TMC6: variants seen among roughly 807,000 people sequenced by gnomAD.
The protein encoded by TMC6 is transmembrane channel like 6.
TMC6 carries 71 observed loss-of-function variants against 95.4 expected under a neutral mutation model. That is an observed-to-expected ratio of 0.74 (90% confidence interval 0.61 to 0.91). The LOEUF is 0.91. Ranked by LOEUF, TMC6 falls within the 40% of genes least tolerant of loss-of-function variation. The pLI, the probability that TMC6 is intolerant of heterozygous loss-of-function variation, is 0.00. For synonymous variants in TMC6, 514 were observed against 483.1 expected (o/e 1.06, Z -0.84); for missense variants, 1,074 against 1,079.1 (o/e 1.00, Z 0.07).
chr17:78,117,786 C>T lies in TMC6; in HGVS notation c.2021+16G>A. 6.2e-7 allele frequency: 1 copy of T among 1,601,304 alleles called. No homozygotes were observed. Among genetic ancestry groups the T allele is most frequent in the East Asian group, 2.3e-5 (1 of 44,204 alleles). ...CAGATGACACAGAAGGGTCTCCCTC[C>T]ACCCGCCCCACTCACTGCCAGACGG... On this transcript the variant is annotated intron_variant, in intron 16 of 19. Coordinates refer to ENST00000590602, the MANE Select transcript of TMC6 (RefSeq NM_001127198.5).
In TMC6 at chr17:78,121,414, C is replaced by A. The variant is rs1277068210; in HGVS notation, c.1383+142G>T. The A allele has an allele frequency of 1.4e-6, 2 of 1,467,818 alleles. No homozygotes were observed. The highest frequency in any genetic ancestry group is 1.4e-5 in the African/African-American group (1 of 71,386). The allele number at this position is 1,467,818 out of a possible 1,614,324, so 90.9% of individuals were successfully genotyped here. On this transcript the variant is annotated intron_variant, in intron 11 of 19. Coordinates refer to ENST00000590602, the MANE Select transcript of TMC6 (RefSeq NM_001127198.5). The surrounding 1 kb of genome is among the most constrained non-coding windows in gnomAD (Gnocchi z 5.6). Reference sequence around the variant, plus strand: ...CTGAGAAGTGGGGCTCGGAGGGGGCCCCAGCACGGGGCACAGCGTACGTGG... The same window carrying A: ...CTGAGAAGTGGGGCTCGGAGGGGGCACCAGCACGGGGCACAGCGTACGTGG...
chr17:78,125,147 G>C lies in TMC6; in HGVS notation c.536+11C>G, dbSNP rs777835418. On this transcript the variant is annotated intron_variant, in intron 6 of 19. Coordinates refer to ENST00000590602, the MANE Select transcript of TMC6 (RefSeq NM_001127198.5). ...AGCAGCGGCGGCATGGTCAGGGTCG[G>C]GGCTGCTCACCGCAGGCTGCGTTTC... The C allele has an allele frequency of 5.8e-6, 9 of 1,556,016 alleles. No homozygotes were observed. The South Asian group carries it at 7.1e-5, about 12-fold the overall frequency.
chr17:78,118,251 G>C (rs900893646), intron 15 of TMC6: 3 of 460,156 alleles, frequency 6.5e-6, no homozygotes, highest in African/African-American at 5.9e-5. Context: ...GAAACAAAAG[G>C]CCAGACGAGA....
Position 78,117,306 on chromosome 17 carries a change from C to G in TMC6, c.2240G>C (p.Arg747Pro). The change falls in exon 18 of 20, where the codon CGC becomes CCC. Residue 747 changes from arginine (R) to proline (P), a missense_variant. Transcript: ENST00000590602. The part of the protein sequence containing the change: ...YLNIQVVRGQ[R>P]KVICLLKEQI... ...CTCCTTGAGCAGGCAGATGACCTTG[C>G]GCTGGCCCCGCACCACCTGGATGTT... 1 of 1,613,436 alleles carries G rather than the reference C, an allele frequency of 6.2e-7. No homozygotes were observed. Among genetic ancestry groups the G allele is most frequent in the Non-Finnish European group, 8.5e-7 (1 of 1,179,972 alleles).
Position 78,113,559 on chromosome 17 carries a change from C to A in TMC6, c.2343G>T (p.Glu781Asp). ...LHSIYERKER[E>D]ERSRVGTTEE... ...CCACGGACCCTCACCTGCTCCTCTCCTCCCTCTCCTTCCTCTCGTAGATGG... is the reference window on the plus strand; with the variant it reads ...CCACGGACCCTCACCTGCTCCTCTCATCCCTCTCCTTCCTCTCGTAGATGG... Residue 781 changes from glutamate to aspartate, a missense_variant, in exon 19 of 20, where the codon GAG (glutamate) becomes GAT (aspartate). Physicochemically the swap from Glu to Asp is conservative, Grantham distance 45. Transcript: ENST00000590602. 3 of 1,614,052 alleles carry A rather than the reference C, an allele frequency of 1.9e-6. No individual in the cohort carries two copies. The highest frequency in any genetic ancestry group is 2.5e-6 in the Non-Finnish European group (3 of 1,180,020).
chr17:78,120,544 A>G lies in TMC6; in HGVS notation c.1715+109T>C, dbSNP rs2074360721. 4 of 1,489,774 alleles carry G rather than the reference A, an allele frequency of 2.7e-6. No homozygotes were observed. In the Middle Eastern group the frequency reaches 5.1e-4, roughly 192 times the overall value. The allele number at this position is 1,489,774 out of a possible 1,614,324, so 92.3% of individuals were successfully genotyped here. A position where few individuals can be genotyped will look rare whatever the true frequency, so the allele number is the denominator to read the frequency against. ...TCCTGAGTCTTCCTCTGAAGGGTGG[A>G]GACACAGGGCCCTGATGGGAAAGGT... On this transcript the variant is annotated intron_variant, in intron 13 of 19. Transcript: ENST00000590602.
Position 78,121,043 on chromosome 17 carries a change from G to C in TMC6, c.1505C>G (p.Pro502Arg), listed in dbSNP as rs75400929. 1 of 1,613,346 alleles carries C rather than the reference G, an allele frequency of 6.2e-7. No homozygotes were observed. Among genetic ancestry groups the C allele is most frequent in the South Asian group, 1.1e-5 (1 of 91,082 alleles). Residue 502 changes from proline (P) to arginine (R), a missense_variant, in exon 12 of 20, where the codon CCG becomes CGG. By Grantham distance (103) the Pro-to-Arg change is moderately radical. Transcript: ENST00000590602. The surrounding 1 kb of genome is among the most constrained non-coding windows in gnomAD (Gnocchi z 5.6). ...GATGGCCACGTACACCTCCAGTACC[G>C]GGGAGTCATGCGGCTCCAGGGCGGC... ...VLAALEPHDS[P>R]VLEVYVAICR... is the part of the protein sequence containing the mutation.
chr17:78,120,583 C>T (rs1313297488), intron 13 of TMC6, 70 bp downstream of exon 13: 2 of 1,608,560 alleles, frequency 1.2e-6, no homozygotes, highest in East Asian at 4.5e-5. Context: ...GGCCTGAGAA[C>T]CTCCCGGCCA....
upstream of TMC6, chr17:78,132,125 A>G: frequency 6.6e-7 from 1 of 1,519,100 alleles, no homozygotes; most frequent in Middle Eastern, 1.7e-4. Context: ...ACCTGCCTTC[A>G]CCCGGGTCCC....
chr17:78,132,345 C>T (rs200278176), upstream of TMC6: 139 of 1,612,540 alleles, frequency 8.6e-5, no homozygotes, highest in Admixed American at 4.7e-4. Flanking sequence ...ACCCACCCTG[C>T]TCTCCCACTG....
At chr17:78,125,703 G>A in intron 5 of TMC6, 23 bp downstream of exon 5, 1 of 1,556,950 alleles carries the variant, frequency 6.4e-7, no homozygotes, top group Non-Finnish European at 8.7e-7. Flanking sequence ...CCGCCACTGG[G>A]GCTCCAGTGC....
chr17:78,126,981 G>C (rs2074751760), intron 1 of TMC6, 75 bp from the exon 2 acceptor site: 2 of 907,502 alleles, frequency 2.2e-6, no homozygotes. Flanking sequence ...ATTCCTGGGG[G>C]AACCACAGGA....
chr17:78,125,615 G>A (rs2074669519), intron 5 of TMC6, 111 bp downstream of exon 5: 1 of 1,473,750 alleles, frequency 6.8e-7, no homozygotes, highest in Non-Finnish European at 9.1e-7. Flanking sequence ...AGGGATAGGA[G>A]AGGGGCCTCT....
chr17:78,122,722 G>C lies in TMC6; in HGVS notation c.1110C>G (p.Tyr370Ter), dbSNP rs1343225267. 5.6e-6 allele frequency: 9 copies of C among 1,611,174 alleles called. No individual in the cohort carries two copies. The highest frequency in any genetic ancestry group is 1.7e-5 in the Admixed American group (1 of 59,890). Residue 370 changes from tyrosine to a stop codon, truncating the protein, a stop_gained, in exon 10 of 20, where the codon TAC becomes TAG. Coordinates refer to ENST00000590602, the MANE Select transcript of TMC6 (RefSeq NM_001127198.5). LOFTEE classifies it high-confidence loss of function. The surrounding 1 kb of genome is among the most constrained non-coding windows in gnomAD (Gnocchi z 4.9). ...GGATGCCAGAGGTGCTGCCCACCCG[G>C]TAGCTCTCCCCGAAAGAGTGAGCCA... ...YSMAHSFGES[Y>*]RVGSTSGIHA...
Position 78,117,659 on chromosome 17 carries a change from G to C in TMC6, c.2022-15C>G. Reference sequence around the variant, plus strand: ...AGGGCTTCACCCTGGGGAAGATGCCGACCAGGAACCCTCACCCCGAGCAAC... The same window carrying C: ...AGGGCTTCACCCTGGGGAAGATGCCCACCAGGAACCCTCACCCCGAGCAAC... On this transcript the variant is annotated splice_polypyrimidine_tract_variant and intron_variant, in intron 16 of 19. Transcript: ENST00000590602. 1 of 1,560,886 alleles carries C rather than the reference G, an allele frequency of 6.4e-7. No individual in the cohort carries two copies.
rs375980611 is a variant in TMC6 at position 78,117,571 on chromosome 17, G to C, written c.2095C>G (p.Arg699Gly). Reference sequence around the variant, plus strand: ...CTGGGGCCTGCCGCCTCCAGGTGGCGCACCCACACCCTGCCGGCCTCGTAC... The same window carrying C: ...CTGGGGCCTGCCGCCTCCAGGTGGCCCACCCACACCCTGCCGGCCTCGTAC... ...TMYEAGRVWV[R>G]HLEAAGPRVS... Residue 699 changes from arginine to glycine, a missense_variant, in exon 17 of 20, where the codon CGC becomes GGC. Arg to Gly is a moderately radical substitution (Grantham distance 125, BLOSUM62 -2). Transcript: ENST00000590602. 15 of 1,589,782 alleles carry C rather than the reference G, an allele frequency of 9.4e-6. No homozygotes were observed. In the Admixed American group the frequency reaches 2.3e-4, roughly 24 times the overall value.
upstream of TMC6, among the ~76,000 whole-genome samples, chr17:78,130,123 T>G (rs429216): frequency 0.15 from 22,884 of 152,132 alleles, 1,810 homozygotes; most frequent in South Asian, 0.23. Context: ...GGCAAAGATA[T>G]GTCTTAAACA....
At chr17:78,124,345 C>A in intron 8 of TMC6, 166 bp from the exon 9 acceptor site, 1 of 1,333,780 alleles carries the variant, frequency 7.5e-7, no homozygotes, top group Non-Finnish European at 1.0e-6. Context: ...CCCATGGGAA[C>A]CCCAGCACGA....
rs532657361 is a variant in TMC6, at chr17:78,112,336, G to A, written c.*812C>T. 51 of 196,032 alleles carry A rather than the reference G, an allele frequency of 2.6e-4. No individual in the cohort carries two copies. The highest frequency in any genetic ancestry group is 1.2e-3 in the African/African-American group (49 of 41,850). 12.1% of individuals were successfully genotyped at this position (196,032 alleles called of 1,614,324 possible). On this transcript the variant is annotated 3_prime_UTR_variant, in exon 20 of 20. Transcript: ENST00000590602. ...CTGGTCCCTGCAGACCTGGAGCACG[G>A]GGTCATGACGGGCTGGTCCCCGAAT...
Sources: gnomAD v4.1 joint callset for allele counts (sites outside exome capture counted in the v4.1 genomes callset) on GRCh38, gnomAD v4.1.1 for gene constraint, Gnocchi (gnomAD v3.1) non-coding constraint, MANE v1.5 for transcripts, NCBI Gene and HGNC (gene_info 2026-07-23, HGNC 2026-07-21) for gene names.